CLIC6: variants seen among roughly 807,000 people sequenced by gnomAD.
CLIC6 encodes the protein CLIC family member 6.
Under a neutral mutation model 49.2 loss-of-function variants are expected in CLIC6, and 39 were observed. The observed-to-expected ratio is 0.79, with a 90% CI of 0.61 to 1.04. The LOEUF (loss-of-function observed/expected upper bound fraction) is 1.04, where lower values mean the gene tolerates loss of function less well. Among genes scored for constraint, CLIC6 ranks in the 50% least tolerant of loss-of-function variants. CLIC6 has a pLI of 0.00. For synonymous variants in CLIC6, 446 were observed against 433.4 expected, an observed-to-expected ratio of 1.03 and a Z score of -0.36; for missense variants, 988 against 993.1, an observed-to-expected ratio of 0.99 and a Z score of 0.07.
rs2056020188 is a variant in CLIC6, at chr21:34,707,193, T to A, written c.1375-87T>A. On this transcript the variant is annotated intron_variant, in intron 1 of 5. Transcript: ENST00000349499. The stretch of plus-strand genomic sequence containing the variant: ...AGCATCCTGACCGTTCTTATCAACC[T>A]GCAATGATTTTGCATGTGCATGTTG... 12 of 1,010,504 alleles carry A rather than the reference T, an allele frequency of 1.2e-5. No homozygotes were observed. The South Asian group carries it at 1.6e-4, about 13-fold the overall frequency. The allele number at this position is 1,010,504 out of a possible 1,614,324, so 62.6% of individuals were successfully genotyped here.
At chr21:34,703,378 G>C (rs747333798) in intron 1 of CLIC6, among the ~76,000 whole-genome samples, 1 of 152,146 alleles carries the variant, frequency 6.6e-6, no homozygotes, top group Non-Finnish European at 1.5e-5. Context: ...GCTCTGGTGA[G>C]AAGGAGAGTG....
At chr21:34,704,127 A>G (rs1347205326) in intron 1 of CLIC6, among the ~76,000 whole-genome samples, 5 of 152,192 alleles carry the variant, frequency 3.3e-5, no homozygotes, top group Non-Finnish European at 7.3e-5. Context: ...TGTGTATGAT[A>G]AAATGTCCCA....
chr21:34,688,385 C>A (rs1989923391), intron 1 of CLIC6, among the ~76,000 whole-genome samples: 1 of 152,188 alleles, frequency 6.6e-6, no homozygotes, highest in Non-Finnish European at 1.5e-5. Context: ...CGAGGGAAGA[C>A]AAAAGACGGA....
intron 5 of CLIC6, among the ~76,000 whole-genome samples, chr21:34,711,743 C>T (rs760245695): frequency 3.9e-5 from 6 of 151,968 alleles, no homozygotes; most frequent in South Asian, 2.1e-4. Flanking sequence ...CCTTTTTGTG[C>T]GTGAGGATAC....
At chr21:34,676,910 G>C (rs1346771930) in intron 1 of CLIC6, among the ~76,000 whole-genome samples, 1 of 151,588 alleles carries the variant, frequency 6.6e-6, no homozygotes, top group East Asian at 1.9e-4. Flanking sequence ...AAATTTTCCA[G>C]CATTAATTTT....
In CLIC6 at chr21:34,707,276, G is replaced by A. The variant is rs1455864056; in HGVS notation, c.1375-4G>A. The A allele has an allele frequency of 3.7e-6, 6 of 1,609,106 alleles. No homozygotes were observed. Among genetic ancestry groups the A allele is most frequent in the Non-Finnish European group, 5.1e-6 (6 of 1,175,508 alleles). On this transcript the variant is annotated splice_polypyrimidine_tract_variant and splice_region_variant and intron_variant, in intron 1 of 5. Transcript: ENST00000349499. ...CAGATAGAAATCTCCTTCTCCACTT[G>A]TAGGCTGGTTATGATGGTGAGAGTA...
rs868597004 is a variant in CLIC6, at chr21:34,709,540, T to C, written c.1899+2T>C. On this transcript the variant is annotated splice_donor_variant, in intron 5 of 5. Transcript: ENST00000349499. LOFTEE classifies it high-confidence loss of function. Reference sequence around the variant, plus strand: ...TTACCCAAGCTCCATATTATTAAGGTTCATCTTCCCTCCCGACACGTGTGC... The same window carrying C: ...TTACCCAAGCTCCATATTATTAAGGCTCATCTTCCCTCCCGACACGTGTGC... 2 of 1,613,358 alleles carry C rather than the reference T, an allele frequency of 1.2e-6. No individual in the cohort carries two copies. Among genetic ancestry groups the C allele is most frequent in the Non-Finnish European group, 1.7e-6 (2 of 1,179,590 alleles).
intron 1 of CLIC6, among the ~76,000 whole-genome samples, chr21:34,690,861 C>CAG: frequency 1.0e-5 from 1 of 99,652 alleles, no homozygotes; most frequent in East Asian, 3.0e-4. Flanking sequence ...TAATACATGT[C>CAG]AAAAAAAAAA....
chr21:34,684,522 G>A (rs1989839399), intron 1 of CLIC6, among the ~76,000 whole-genome samples: 1 of 152,196 alleles, frequency 6.6e-6, no homozygotes, highest in Non-Finnish European at 1.5e-5. Context: ...CTGTCAGGTG[G>A]TCCATTTTTA....
intron 1 of CLIC6, among the ~76,000 whole-genome samples, chr21:34,702,813 C>CT (rs1250169066): frequency 1.3e-5 from 2 of 152,296 alleles, no homozygotes; most frequent in East Asian, 3.9e-4. Context: ...TGCCTTAACT[C>CT]TTTCTCTCTG....
chr21:34,708,022 T>A lies in CLIC6; in HGVS notation c.1563T>A (p.Asp521Glu), dbSNP rs916014498. Residue 521 changes from aspartate to glutamate, a missense_variant, in exon 3 of 6, where the codon GAT (aspartate) becomes GAA (glutamate). By Grantham distance (45) the Asp-to-Glu change is conservative (BLOSUM62 2). Transcript: ENST00000349499. ...CTTTTGATGGTGAAGTCAAGACGGATGTGAATAAGATCGAGGAGTTCTTAG... is the reference window on the plus strand; with the variant it reads ...CTTTTGATGGTGAAGTCAAGACGGAAGTGAATAAGATCGAGGAGTTCTTAG... ...FMTFDGEVKT[D>E]VNKIEEFLEE... 9.9e-6 allele frequency: 16 copies of A among 1,614,062 alleles called. No homozygotes were observed. The highest frequency in any genetic ancestry group is 1.3e-5 in the Non-Finnish European group (15 of 1,179,974).
Position 34,670,415 on chromosome 21 carries a change from G to A in CLIC6, c.1027G>A (p.Glu343Lys). ...GGAGGTCCCGGGGGTAAAGGGGTCCGAAGAAGCGGCCCCCGGGGACGCAAG... is the reference window on the plus strand; with the variant it reads ...GGAGGTCCCGGGGGTAAAGGGGTCCAAAGAAGCGGCCCCCGGGGACGCAAG... ...EAEVPGVKGSEEAAPGDARAD... is the reference protein window; with the variant it reads ...EAEVPGVKGSKEAAPGDARAD... Residue 343 changes from glutamate to lysine, a missense_variant, in exon 1 of 6, where the codon GAA (glutamate) becomes AAA (lysine). Glu to Lys is a moderately conservative substitution (Grantham distance 56). Coordinates refer to ENST00000349499, the MANE Select transcript of CLIC6 (RefSeq NM_053277.3). 1 of 1,460,680 alleles carries A rather than the reference G, an allele frequency of 6.8e-7. No homozygotes were observed. The highest frequency in any genetic ancestry group is 1.4e-5 in the South Asian group (1 of 69,648). The allele number at this position is 1,460,680 out of a possible 1,614,324, so 90.5% of individuals were successfully genotyped here.
intron 1 of CLIC6, among the ~76,000 whole-genome samples, chr21:34,703,509 A>T (rs1039878115): frequency 6.6e-6 from 1 of 152,040 alleles, no homozygotes; most frequent in Non-Finnish European, 1.5e-5. Context: ...GTCTAGTGGG[A>T]GGTGGCTGTG....
In CLIC6 at chr21:34,711,227, G is replaced by A. The variant is rs1160733284; in HGVS notation, c.1899+1689G>A. ...TTTGTTCTAATAACACATTTAGTTA[G>A]CATTTAGAAATTACAAGGTAGCGGC... is the stretch of plus-strand genomic sequence containing the variant. On this transcript the variant is annotated intron_variant, in intron 5 of 5. Transcript: ENST00000349499. Among the ~76,000 whole-genome samples the A allele has an allele frequency of 3.3e-5, 5 of 152,246 alleles. No individual in the cohort carries two copies. The South Asian group carries it at 1.0e-3, about 32-fold the overall frequency.
rs113064106 is a variant in CLIC6 at position 34,672,553 on chromosome 21, G to A, written c.1374+1791G>A. 1.1e-3 allele frequency among the ~76,000 whole-genome samples: 175 copies of A among 152,238 alleles called. 2 individuals are homozygous for A. The highest frequency in any genetic ancestry group is 2.2e-3 in the Admixed American group (33 of 15,298). On this transcript the variant is annotated intron_variant, in intron 1 of 5. Transcript: ENST00000349499. ...GATGTCATATCTTCCAGTCCCAGTC[G>A]GATGACCCTGTTAAGGCATTGCCCT... is the stretch of plus-strand genomic sequence containing the variant.
At chr21:34,689,916 A>T (rs1482684554) in intron 1 of CLIC6, among the ~76,000 whole-genome samples, 1 of 152,120 alleles carries the variant, frequency 6.6e-6, no homozygotes, top group Non-Finnish European at 1.5e-5. Context: ...CTTGCTCCAC[A>T]CTGTCTTATC....
chr21:34,708,950 T>C (rs1297931402), intron 4 of CLIC6, 144 bp downstream of exon 4: 7 of 638,636 alleles, frequency 1.1e-5, no homozygotes, highest in African/African-American at 1.8e-5. Flanking sequence ...CCTCCAACTT[T>C]GAATCTGCAC....
At chr21:34,710,623 C>T (rs1010308392) in intron 5 of CLIC6, among the ~76,000 whole-genome samples, 1 of 152,096 alleles carries the variant, frequency 6.6e-6, no homozygotes, top group African/African-American at 2.4e-5. Flanking sequence ...ACCATCCTGG[C>T]TAACATGGTG....
At chr21:34,691,868 A>G (rs1990001713) in intron 1 of CLIC6, among the ~76,000 whole-genome samples, 1 of 152,214 alleles carries the variant, frequency 6.6e-6, no homozygotes, top group Admixed American at 6.5e-5. Context: ...TGCCCTTTAA[A>G]ATGAAGCAAA....
Sources: gnomAD v4.1 joint callset for allele counts (sites outside exome capture counted in the v4.1 genomes callset) on GRCh38, gnomAD v4.1.1 for gene constraint, MANE v1.5 for transcripts, NCBI Gene and HGNC (gene_info 2026-07-23, HGNC 2026-07-21) for gene names.